The following GSK3B variants were observed in gnomAD, a reference collection of about 807,000 sequenced individuals.
The protein encoded by GSK3B is glycogen synthase kinase 3 beta.
In GSK3B, 15 loss-of-function variants were observed where a neutral mutation model predicts 56.4. The ratio of observed to expected loss-of-function variants is 0.27; its 90% CI spans 0.18 to 0.41. The LOEUF is 0.41. Among genes scored for constraint, GSK3B ranks in the 10% least tolerant of loss-of-function variants. The pLI is 1.00. For synonymous variants in GSK3B, 181 were observed against 188.9 expected (o/e 0.96, Z 0.34); for missense variants, 300 against 513.4 (o/e 0.58, Z 4.02).
chr3:119,937,272 T>A (rs999750595), intron 3 of GSK3B, among the ~76,000 whole-genome samples: 2 of 152,072 alleles, frequency 1.3e-5, no homozygotes, highest in African/African-American at 4.8e-5. Flanking sequence ...CAGAGGTGGA[T>A]CCCTCATGAA....
intron 1 of GSK3B, among the ~76,000 whole-genome samples, chr3:120,058,895 A>G (rs1274643169): frequency 6.6e-6 from 1 of 152,050 alleles, no homozygotes; most frequent in Non-Finnish European, 1.5e-5. Context: ...CTGTAGTCCC[A>G]GCTACTCCAG....
intron 1 of GSK3B, among the ~76,000 whole-genome samples, chr3:120,008,993 A>C (rs1445979156): frequency 6.6e-6 from 1 of 152,176 alleles, no homozygotes; most frequent in Non-Finnish European, 1.5e-5. Context: ...ACAAGAAAAA[A>C]GCAAACGACC....
intron 3 of GSK3B, among the ~76,000 whole-genome samples, chr3:119,943,170 A>G (rs1197786993): frequency 6.6e-6 from 1 of 152,224 alleles, no homozygotes. Flanking sequence ...AAAGAAGGTT[A>G]CCAAAATAGA....
rs560874754 is a variant in GSK3B at position 120,004,389 on chromosome 3, G to A, written c.89-2150C>T. Among the ~76,000 whole-genome samples the A allele has an allele frequency of 1.1e-4, 16 of 152,326 alleles. No individual in the cohort carries two copies. In the East Asian group the frequency reaches 3.1e-3, roughly 29 times the overall value. Reference sequence around the variant, plus strand: ...AGCTTCTGCAGACTTAAACGTCCCTGCCTGACAGCTCTGAAGACAGCAATG... The same window carrying A: ...AGCTTCTGCAGACTTAAACGTCCCTACCTGACAGCTCTGAAGACAGCAATG... On this transcript the variant is annotated intron_variant, in intron 1 of 10. Transcript: ENST00000264235.
chr3:119,957,515 A>G (rs1476254336), intron 2 of GSK3B, among the ~76,000 whole-genome samples: 1 of 152,246 alleles, frequency 6.6e-6, no homozygotes, highest in Non-Finnish European at 1.5e-5. Flanking sequence ...ATGTAAGTCA[A>G]TGCCAGCTTA....
chr3:120,002,432 G>A (rs952585642), intron 1 of GSK3B, among the ~76,000 whole-genome samples, 193 bp from the exon 2 acceptor site: 9 of 151,614 alleles, frequency 5.9e-5, no homozygotes, highest in South Asian at 2.1e-4. Context: ...TCCGTCTGCC[G>A]GGTTCAATCA....
At chr3:120,007,329 G>A (rs1373591320) in intron 1 of GSK3B, among the ~76,000 whole-genome samples, 2 of 152,060 alleles carry the variant, frequency 1.3e-5, no homozygotes, top group Non-Finnish European at 2.9e-5. Flanking sequence ...TCTACCAGAG[G>A]TACAAAGAGG....
At chr3:119,961,249 C>T (rs1048953475) in intron 2 of GSK3B, among the ~76,000 whole-genome samples, 4 of 152,170 alleles carry the variant, frequency 2.6e-5, no homozygotes, top group African/African-American at 9.7e-5. Flanking sequence ...AAATACCATT[C>T]TTCAGCCAAG....
chr3:119,930,647 A>G (rs2056937115), intron 3 of GSK3B, among the ~76,000 whole-genome samples: 1 of 152,240 alleles, frequency 6.6e-6, no homozygotes, highest in African/African-American at 2.4e-5. Context: ...ATTATTGAGA[A>G]TGAGAGAACA....
In GSK3B at chr3:119,825,412, T is replaced by G. The variant is rs1400816518; in HGVS notation, c.*1376A>C. ...ACACAAAGAAAACAGACACAAAAACTCTTAACTGGGTGTGGGGGAAACATT... is the reference window on the plus strand; with the variant it reads ...ACACAAAGAAAACAGACACAAAAACGCTTAACTGGGTGTGGGGGAAACATT... On this transcript the variant is annotated 3_prime_UTR_variant, in exon 11 of 11. Transcript: ENST00000264235. 1 of 230,020 alleles carries G rather than the reference T, an allele frequency of 4.3e-6. No homozygotes were observed. Among genetic ancestry groups the G allele is most frequent in the Non-Finnish European group, 8.6e-6 (1 of 116,266 alleles). 14.2% of individuals were successfully genotyped at this position (230,020 alleles called of 1,614,324 possible).
At chr3:119,904,487 A>T (rs1195456033) in intron 7 of GSK3B, among the ~76,000 whole-genome samples, 5 of 152,220 alleles carry the variant, frequency 3.3e-5, no homozygotes, top group Admixed American at 6.5e-5. Flanking sequence ...ATAATAAAGA[A>T]GATCGCTTAT....
chr3:119,940,102 GTGTGTGTT>G (rs2057033045), intron 3 of GSK3B, among the ~76,000 whole-genome samples: 1 of 131,422 alleles, frequency 7.6e-6, no homozygotes, highest in African/African-American at 3.4e-5. Context: ...AAAAGTGTGT[GTGTGTGTT>G]TGTGTGTGTG....
intron 1 of GSK3B, among the ~76,000 whole-genome samples, chr3:120,068,460 G>C (rs1357309318): frequency 1.3e-5 from 2 of 151,668 alleles, no homozygotes; most frequent in Non-Finnish European, 2.9e-5. Flanking sequence ...CAGCACTCTG[G>C]GAGGTCAAAG....
intron 10 of GSK3B, 43 bp from the exon 11 acceptor site, chr3:119,826,898 TA>T: frequency 8.1e-7 from 1 of 1,227,998 alleles, no homozygotes; most frequent in Non-Finnish European, 1.2e-6. Context: ...AGCAATGCTA[TA>T]ACAACAAAAG....
At chr3:120,016,203 C>T (rs2057825434) in intron 1 of GSK3B, among the ~76,000 whole-genome samples, 1 of 152,152 alleles carries the variant, frequency 6.6e-6, no homozygotes, top group African/African-American at 2.4e-5. Context: ...TGGGAGTTTA[C>T]TAAAATGAAG....
In GSK3B at chr3:119,988,087, GTGCTCTTAAATGCAGGT is replaced by G. The variant is rs1418635734; in HGVS notation, c.282+13942_282+13958del. On this transcript the variant is annotated intron_variant, in intron 2 of 10. Coordinates refer to ENST00000264235, the MANE Select transcript of GSK3B (RefSeq NM_001146156.2). ...ATAATCAGCTATAAAGCTCTAACAG[GTGCTCTTAAATGCAGGT>G]TTCTGATAACACTGGAGACTGTAAC... Among the ~76,000 whole-genome samples, 14 of 152,194 alleles carry G rather than the reference GTGCTCTTAAATGCAGGT, an allele frequency of 9.2e-5. No homozygotes were observed. In the South Asian group the frequency reaches 1.2e-3, roughly 14 times the overall value.
At chr3:119,975,570 T>C (rs957132376) in intron 2 of GSK3B, among the ~76,000 whole-genome samples, 2 of 151,970 alleles carry the variant, frequency 1.3e-5, no homozygotes. Flanking sequence ...GGCAAAACTA[T>C]GGAAATAGTA....
chr3:119,931,558 G>C (rs938264664), intron 3 of GSK3B, among the ~76,000 whole-genome samples: 3 of 152,152 alleles, frequency 2.0e-5, no homozygotes, highest in African/African-American at 7.2e-5. Context: ...GGAGGTTGCA[G>C]TAGTCAAGAC....
At chr3:120,042,757 T>C (rs1478993569) in intron 1 of GSK3B, among the ~76,000 whole-genome samples, 1 of 152,034 alleles carries the variant, frequency 6.6e-6, no homozygotes, top group Non-Finnish European at 1.5e-5. Context: ...TAAATGAAAA[T>C]ATCATACTCC....
Sources: allele counts gnomAD v4.1 joint callset (sites outside exome capture counted in the v4.1 genomes callset), GRCh38; gene constraint gnomAD v4.1.1; transcripts MANE v1.5; gene names NCBI Gene and HGNC (gene_info 2026-07-23, HGNC 2026-07-21).